FCHSD2: variants seen among roughly 807,000 people sequenced by gnomAD.
FCHSD2 encodes the protein FCH and double SH3 domains 2, also known as F-BAR and double SH3 domains protein 2.
FCHSD2 carries 38 observed loss-of-function variants against 108.1 expected under a neutral mutation model. The ratio of observed to expected loss-of-function variants is 0.35; its 90% CI spans 0.27 to 0.46. FCHSD2 has a LOEUF of 0.46. Ranked by LOEUF, FCHSD2 falls within the 20% of genes least tolerant of loss-of-function variation. FCHSD2 has a pLI of 1.00. For synonymous variants in FCHSD2, 279 were observed against 314.7 expected (o/e 0.89, Z 1.20); for missense variants, 751 against 897.8 (o/e 0.84, Z 2.09).
chr11:72,916,176 A>G (rs984605762), intron 9 of FCHSD2, among the ~76,000 whole-genome samples: 19 of 152,150 alleles, frequency 1.2e-4, no homozygotes, highest in African/African-American at 4.6e-4. Flanking sequence ...AAGTTTACCT[A>G]CATAATCTGC....
chr11:72,946,809 G>C (rs1454010525), intron 8 of FCHSD2, among the ~76,000 whole-genome samples: 2 of 152,140 alleles, frequency 1.3e-5, no homozygotes, highest in Non-Finnish European at 2.9e-5. Flanking sequence ...GCAGGAAACT[G>C]AGTCCCAAGA....
At chr11:73,064,915 TTCTACCA>T (rs2135491905) in intron 3 of FCHSD2, among the ~76,000 whole-genome samples, 1 of 152,300 alleles carries the variant, frequency 6.6e-6, no homozygotes, top group African/African-American at 2.4e-5. Context: ...CACAGCCAAA[TTCTACCA>T]GAGGTACAAA....
intron 5 of FCHSD2, among the ~76,000 whole-genome samples, chr11:72,998,992 G>C (rs752181432): frequency 2.0e-5 from 3 of 152,198 alleles, no homozygotes; most frequent in Admixed American, 2.0e-4. Flanking sequence ...CATGTGGAGA[G>C]AGTTGTTAGT....
At chr11:72,992,479 C>G (rs369649475) in intron 5 of FCHSD2, among the ~76,000 whole-genome samples, 349 of 152,182 alleles carry the variant, frequency 2.3e-3, no homozygotes, top group African/African-American at 7.7e-3. Context: ...AACAAAGCTG[C>G]AGGCATCACA....
chr11:72,922,023 G>C, intron 8 of FCHSD2, 73 bp from the exon 9 acceptor site: 1 of 1,054,000 alleles, frequency 9.5e-7, no homozygotes, highest in Non-Finnish European at 1.4e-6. Context: ...CTGCCTATGA[G>C]AAAAGTAGGT....
At chr11:72,930,992 C>T (rs1433267557) in intron 8 of FCHSD2, among the ~76,000 whole-genome samples, 1 of 151,838 alleles carries the variant, frequency 6.6e-6, no homozygotes, top group Non-Finnish European at 1.5e-5. Context: ...TACCCTACTC[C>T]CCATGATGTG....
intron 3 of FCHSD2, among the ~76,000 whole-genome samples, chr11:73,058,897 T>G (rs1859096940): frequency 6.6e-6 from 1 of 152,162 alleles, no homozygotes; most frequent in Non-Finnish European, 1.5e-5. Flanking sequence ...AAATAATCTT[T>G]TACATCTTTT....
chr11:72,873,287 C>T (rs922957436), intron 12 of FCHSD2, among the ~76,000 whole-genome samples: 3 of 151,736 alleles, frequency 2.0e-5, no homozygotes, highest in African/African-American at 7.3e-5. Context: ...CGAGATCGCG[C>T]CACTGCACTC....
chr11:73,009,974 A>G (rs1305730857), intron 4 of FCHSD2, among the ~76,000 whole-genome samples: 2 of 152,094 alleles, frequency 1.3e-5, no homozygotes, highest in Non-Finnish European at 2.9e-5. Flanking sequence ...TTTGTCTATT[A>G]TTTCATCAAA....
chr11:73,101,785 T>C (rs377311663), intron 2 of FCHSD2, among the ~76,000 whole-genome samples: 16 of 150,994 alleles, frequency 1.1e-4, no homozygotes, highest in African/African-American at 3.7e-4. Context: ...ATAAAAACAC[T>C]GATACCTATT....
rs866935920 is a variant in FCHSD2 at position 72,865,075 on chromosome 11, T to G, written c.1308+2790A>C. On this transcript the variant is annotated intron_variant, in intron 13 of 19. Coordinates refer to ENST00000409418, the MANE Select transcript of FCHSD2 (RefSeq NM_014824.3). ...TATAAGGGAGTAGTCTGTGTCTTTT[T>G]AAAACATTTATCTTCCACAAGGCAC... 6.6e-5 allele frequency among the ~76,000 whole-genome samples: 10 copies of G among 152,392 alleles called. 1 individual carries two copies. In the Middle Eastern group the frequency reaches 0.014, roughly 207 times the overall value.
chr11:72,860,939 C>T (rs561386570), intron 13 of FCHSD2, among the ~76,000 whole-genome samples: 37 of 152,132 alleles, frequency 2.4e-4, no homozygotes, highest in African/African-American at 8.9e-4. Flanking sequence ...GCACTTAATG[C>T]CAATATTCAA....
At chr11:72,892,327 G>A (rs1422793664) in intron 10 of FCHSD2, among the ~76,000 whole-genome samples, 2 of 152,164 alleles carry the variant, frequency 1.3e-5, no homozygotes, top group Admixed American at 6.5e-5. Flanking sequence ...TAATGCCACT[G>A]ATTGGAAGAT....
chr11:73,073,999 T>C (rs993379145), intron 3 of FCHSD2, among the ~76,000 whole-genome samples: 1 of 152,024 alleles, frequency 6.6e-6, no homozygotes, highest in Admixed American at 6.6e-5. Flanking sequence ...TAAGAAAATA[T>C]AAAGGGCAAT....
intron 3 of FCHSD2, among the ~76,000 whole-genome samples, chr11:73,073,470 C>T (rs1859478896): frequency 6.6e-6 from 1 of 152,182 alleles, no homozygotes; most frequent in Admixed American, 6.5e-5. Flanking sequence ...CTTCTAACAT[C>T]GCCCTAAAGA....
intron 8 of FCHSD2, among the ~76,000 whole-genome samples, chr11:72,962,717 A>G (rs1480832112): frequency 6.6e-6 from 1 of 152,074 alleles, no homozygotes; most frequent in Non-Finnish European, 1.5e-5. Context: ...TTTGTAATTT[A>G]AAAAATACCA....
chr11:73,029,548 G>A (rs1286140916), intron 3 of FCHSD2, among the ~76,000 whole-genome samples: 1 of 152,166 alleles, frequency 6.6e-6, no homozygotes, highest in East Asian at 1.9e-4. Flanking sequence ...TGGGAGCCAG[G>A]ATGGGCAAAT....
At chr11:73,057,411 C>T (rs1294006987) in intron 3 of FCHSD2, among the ~76,000 whole-genome samples, 1 of 152,184 alleles carries the variant, frequency 6.6e-6, no homozygotes, top group Non-Finnish European at 1.5e-5. Context: ...GATTTCCTTA[C>T]TGTGGTAATT....
intron 4 of FCHSD2, among the ~76,000 whole-genome samples, chr11:73,011,965 C>T (rs1857873420): frequency 6.6e-6 from 1 of 152,166 alleles, no homozygotes; most frequent in African/African-American, 2.4e-5. Context: ...CTTGAAGACC[C>T]TCCCTCCAAT....
Sources: allele counts gnomAD v4.1 joint callset (sites outside exome capture counted in the v4.1 genomes callset), GRCh38; gene constraint gnomAD v4.1.1; transcripts MANE v1.5; gene names NCBI Gene and HGNC (gene_info 2026-07-23, HGNC 2026-07-21).